The following TMEM117 variants were observed in gnomAD, a reference collection of about 807,000 sequenced individuals.
TMEM117 encodes the protein transmembrane protein 117.
A neutral mutation model predicts 52.4 loss-of-function variants in TMEM117; 27 were observed. The observed-to-expected ratio is 0.51, with a 90% CI of 0.38 to 0.71. The LOEUF (loss-of-function observed/expected upper bound fraction) is 0.71. Among genes scored for constraint, TMEM117 ranks in the 30% least tolerant of loss-of-function variants. The pLI, the probability that TMEM117 is intolerant of heterozygous loss-of-function variation, is 0.00. For missense variants in TMEM117, 556 were observed against 630.5 expected, an observed-to-expected ratio of 0.88 and a Z score of 1.26; for synonymous variants, 215 against 206.3, an observed-to-expected ratio of 1.04 and a Z score of -0.36.
chr12:44,393,209 C>G (rs1952169011), downstream of TMEM117, among the ~76,000 whole-genome samples: 1 of 152,056 alleles, frequency 6.6e-6, no homozygotes, highest in African/African-American at 2.4e-5. Flanking sequence ...CATAAGCTCT[C>G]CTAAGGTCTA....
chr12:44,130,309 C>T (rs1438134811), intron 3 of TMEM117, among the ~76,000 whole-genome samples: 1 of 152,134 alleles, frequency 6.6e-6, no homozygotes, highest in Admixed American at 6.5e-5. Flanking sequence ...TGATGTCAAT[C>T]AAAGGAGTAT....
intron 3 of TMEM117, among the ~76,000 whole-genome samples, chr12:44,136,368 T>C (rs928350778): frequency 1.3e-5 from 2 of 152,120 alleles, no homozygotes; most frequent in Non-Finnish European, 2.9e-5. Flanking sequence ...CCTGGAGTGT[T>C]TGGGAAGTTG....
At chr12:44,003,602 TTCC>T (rs1946148848) in intron 3 of TMEM117, among the ~76,000 whole-genome samples, 1 of 152,306 alleles carries the variant, frequency 6.6e-6, no homozygotes, top group Admixed American at 6.5e-5. Flanking sequence ...AGTTGGAGCA[TTCC>T]GCCTCTTCAC....
At chr12:44,211,186 C>T (rs1417397994) in intron 4 of TMEM117, 104 bp from the exon 5 acceptor site, 7 of 778,744 alleles carry the variant, frequency 9.0e-6, no homozygotes, top group African/African-American at 5.4e-5. Flanking sequence ...AATGTTAAAA[C>T]GTATACTTAT....
chr12:44,100,188 A>G (rs978504456), intron 3 of TMEM117, among the ~76,000 whole-genome samples: 1 of 152,020 alleles, frequency 6.6e-6, no homozygotes, highest in Non-Finnish European at 1.5e-5. Flanking sequence ...CTAAAAACTG[A>G]AAACACGGGT....
intron 4 of TMEM117, among the ~76,000 whole-genome samples, chr12:44,203,480 C>T (rs952714950): frequency 1.3e-4 from 20 of 151,992 alleles, no homozygotes; most frequent in Non-Finnish European, 2.6e-4. Flanking sequence ...TTTGGTTACT[C>T]ATTTCTCCTG....
intron 3 of TMEM117, among the ~76,000 whole-genome samples, chr12:44,068,933 C>T (rs1227872209): frequency 6.6e-6 from 1 of 152,024 alleles, no homozygotes; most frequent in Non-Finnish European, 1.5e-5. Flanking sequence ...TGTAAATTGC[C>T]ATCTCTAGCA....
chr12:43,856,638 C>G (rs1026983767), intron 2 of TMEM117, among the ~76,000 whole-genome samples: 1 of 152,116 alleles, frequency 6.6e-6, no homozygotes, highest in African/African-American at 2.4e-5. Flanking sequence ...TGTCAGGCTT[C>G]TTTCATTCAG....
intron 2 of TMEM117, among the ~76,000 whole-genome samples, chr12:43,925,318 A>G (rs1200657829): frequency 6.6e-6 from 1 of 151,612 alleles, no homozygotes; most frequent in Admixed American, 6.6e-5. Flanking sequence ...TTTTTTTGTT[A>G]AAAGTATTGA....
intron 2 of TMEM117, among the ~76,000 whole-genome samples, chr12:43,902,565 T>C (rs1021253879): frequency 3.9e-5 from 6 of 152,136 alleles, no homozygotes; most frequent in Non-Finnish European, 5.9e-5. Context: ...CCAGGAAAGC[T>C]TAAGTGGCTT....
intron 2 of TMEM117, among the ~76,000 whole-genome samples, chr12:43,917,360 A>G (rs1944623187): frequency 6.6e-6 from 1 of 152,160 alleles, no homozygotes; most frequent in Admixed American, 6.5e-5. Context: ...GTCTCTAAAA[A>G]CAAAGAAAGA....
chr12:44,361,384 T>C (rs941938151), intron 6 of TMEM117, among the ~76,000 whole-genome samples: 6 of 152,058 alleles, frequency 3.9e-5, no homozygotes, highest in Non-Finnish European at 7.4e-5. Context: ...AATGGGTCCA[T>C]AGGGAACTTC....
At chr12:44,395,623 A>G in the TMEM117 span, among the ~76,000 whole-genome samples, 2 of 152,202 alleles carry the variant, frequency 1.3e-5, no homozygotes, top group East Asian at 3.8e-4. Context: ...TGGCCACTGA[A>G]CTGGGTGTTC....
chr12:44,229,743 G>A (rs1949909516), intron 5 of TMEM117, among the ~76,000 whole-genome samples: 1 of 152,046 alleles, frequency 6.6e-6, no homozygotes, highest in African/African-American at 2.4e-5. Flanking sequence ...TCCTTTGGGA[G>A]CCATAATTAA....
At chr12:44,040,585 A>C (rs1946781168) in intron 3 of TMEM117, among the ~76,000 whole-genome samples, 1 of 152,170 alleles carries the variant, frequency 6.6e-6, no homozygotes, top group Non-Finnish European at 1.5e-5. Context: ...CATCTGAAAA[A>C]TGACAGTTTT....
intron 3 of TMEM117, chr12:44,009,522 C>T (rs1212070217): frequency 4.6e-6 from 1 of 217,716 alleles, no homozygotes; most frequent in Non-Finnish European, 9.6e-6. Context: ...CAGGCTAAAA[C>T]CTGTTGAGCA....
At chr12:44,381,179 G>A (rs1378667425) in intron 7 of TMEM117, among the ~76,000 whole-genome samples, 1 of 152,102 alleles carries the variant, frequency 6.6e-6, no homozygotes, top group East Asian at 1.9e-4. Flanking sequence ...ATCCAAGAGT[G>A]TTTTAAAATA....
chr12:43,839,247 AACAG>A (rs1943079991), intron 1 of TMEM117, among the ~76,000 whole-genome samples: 1 of 152,080 alleles, frequency 6.6e-6, no homozygotes. Flanking sequence ...TCAACCAGGA[AACAG>A]ACAGGCCTTT....
the TMEM117 span, among the ~76,000 whole-genome samples, chr12:43,813,228 C>CTTTTTTTTTT: frequency 1.4e-5 from 1 of 73,178 alleles, no homozygotes; most frequent in Non-Finnish European, 2.7e-5. Context: ...CTGGTTTTCT[C>CTTTTTTTTTT]TTGTTTTTTT....
Sources: gnomAD v4.1 joint callset for allele counts (sites outside exome capture counted in the v4.1 genomes callset) on GRCh38, gnomAD v4.1.1 for gene constraint, MANE v1.5 for transcripts, NCBI Gene and HGNC (gene_info 2026-07-23, HGNC 2026-07-21) for gene names.